The following TYW1B variants were observed in gnomAD, a reference collection of about 807,000 sequenced individuals.
The protein encoded by TYW1B is S-adenosyl-L-methionine-dependent tRNA 4-demethylwyosine synthase TYW1B.
TYW1B carries 73 observed loss-of-function variants against 86.9 expected under a neutral mutation model. The observed-to-expected ratio is 0.84, with a 90% CI of 0.70 to 1.02. TYW1B has a LOEUF of 1.02. Among genes scored for constraint, TYW1B ranks in the 50% least tolerant of loss-of-function variants. The pLI, the probability that TYW1B is intolerant of heterozygous loss-of-function variation, is 0.00. For synonymous variants in TYW1B, 248 were observed against 292.8 expected (o/e 0.85, Z 1.56); for missense variants, 637 against 827.4 (o/e 0.77, Z 2.82).
At chr7:72,815,141 T>C (rs1297509852) in intron 3 of TYW1B, among the ~76,000 whole-genome samples, 4 of 150,796 alleles carry the variant, frequency 2.7e-5, no homozygotes, top group African/African-American at 9.7e-5. Context: ...TTCTCACCTC[T>C]AGTCCTGCCC....
At chr7:72,704,125 G>A (rs561578188) in intron 10 of TYW1B, among the ~76,000 whole-genome samples, 2 of 151,874 alleles carry the variant, frequency 1.3e-5, no homozygotes, top group South Asian at 2.1e-4. Flanking sequence ...TGGGCTTAAC[G>A]TTTTATTATT....
In TYW1B at chr7:72,804,643, G is replaced by C. The variant is rs376850590; in HGVS notation, c.724-2121C>G. 5.1e-4 allele frequency among the ~76,000 whole-genome samples: 77 copies of C among 152,254 alleles called. 1 individual carries two copies. The East Asian group carries it at 0.013, about 25-fold the overall frequency. On this transcript the variant is annotated intron_variant, in intron 5 of 13. Coordinates refer to ENST00000620995, the MANE Select transcript of TYW1B (RefSeq NM_001145440.3). Reference sequence around the variant, plus strand: ...ACTTGAGCTCAGGAGTTTGAGATCAGCCTGGGCAACACAGTGGGACCTCAT... The same window carrying C: ...ACTTGAGCTCAGGAGTTTGAGATCACCCTGGGCAACACAGTGGGACCTCAT...
chr7:72,739,831 G>A lies in TYW1B; in HGVS notation c.1082+4653C>T, dbSNP rs569877207. Among the ~76,000 whole-genome samples the A allele has an allele frequency of 1.4e-4, 20 of 141,018 alleles. No homozygotes were observed. The South Asian group carries it at 1.5e-3, about 11-fold the overall frequency. The allele number at this position is 141,018 out of a possible 152,430, so 92.5% of individuals were successfully genotyped here. A position where few individuals can be genotyped will look rare whatever the true frequency, so the allele number is the denominator to read the frequency against. ...CACTGGACAGGAGACATGCTAAGAA[G>A]CGGCCTAGGAAGAGTCTAAACTTTC... On this transcript the variant is annotated intron_variant, in intron 8 of 13. Coordinates refer to ENST00000620995, the MANE Select transcript of TYW1B (RefSeq NM_001145440.3).
At chr7:72,731,118 A>C (rs1787098312) in intron 8 of TYW1B, among the ~76,000 whole-genome samples, 1 of 142,150 alleles carries the variant, frequency 7.0e-6, no homozygotes, top group African/African-American at 2.6e-5. Context: ...ATATATTCTA[A>C]GGGCTGGAAA....
chr7:72,737,996 G>A (rs1347109593), intron 8 of TYW1B, among the ~76,000 whole-genome samples: 7 of 151,486 alleles, frequency 4.6e-5, no homozygotes, highest in Non-Finnish European at 7.4e-5. Context: ...GGATGGTCTC[G>A]ATCTCCTGAC....
At chr7:72,703,572 A>G (rs1554453115) in intron 10 of TYW1B, among the ~76,000 whole-genome samples, 3 of 151,938 alleles carry the variant, frequency 2.0e-5, no homozygotes, top group Non-Finnish European at 4.4e-5. Context: ...ATTTGTATTC[A>G]GACCAGACGC....
intron 12 of TYW1B, among the ~76,000 whole-genome samples, chr7:72,618,191 AC>A (rs1462097850): frequency 3.4e-5 from 5 of 146,688 alleles, no homozygotes; most frequent in Admixed American, 6.8e-5. Flanking sequence ...ACACACACAC[AC>A]CACAGACAAA....
rs148750193 is a variant in TYW1B, at chr7:72,596,785, A to T, written c.1785+19887T>A. ...AGAGTAGACAAACTGGACCTTATGA[A>T]AAATTTTAAAAGGCATGCATCAAAA... is the stretch of plus-strand genomic sequence containing the variant. On this transcript the variant is annotated intron_variant, in intron 13 of 13. Transcript: ENST00000620995. Among the ~76,000 whole-genome samples, 324 of 152,086 alleles carry T rather than the reference A, an allele frequency of 2.1e-3. 3 individuals are homozygous for T. The highest frequency in any genetic ancestry group is 7.2e-3 in the African/African-American group (298 of 41,368).
At chr7:72,700,337 G>A (rs1814436056) in intron 10 of TYW1B, among the ~76,000 whole-genome samples, 1 of 151,686 alleles carries the variant, frequency 6.6e-6, no homozygotes, top group Admixed American at 6.6e-5. Flanking sequence ...ACCACGCCCA[G>A]CTAATTTTTT....
intron 13 of TYW1B, among the ~76,000 whole-genome samples, chr7:72,580,631 C>T (rs1210076118): frequency 3.3e-5 from 5 of 152,212 alleles, no homozygotes; most frequent in African/African-American, 1.2e-4. Context: ...GCCTTGTTCT[C>T]CTTATGTTCT....
chr7:72,590,069 G>A (rs34964902), intron 13 of TYW1B, among the ~76,000 whole-genome samples: 2 of 147,308 alleles, frequency 1.4e-5, no homozygotes, highest in South Asian at 2.2e-4. Flanking sequence ...TAGAAAGCAC[G>A]AGGAATACTT....
In TYW1B at chr7:72,638,256, TCACAGTTCTC is replaced by T. The variant is rs1250562392; in HGVS notation, c.1507-9269_1507-9260del. Among the ~76,000 whole-genome samples the T allele has an allele frequency of 2.8e-4, 42 of 152,000 alleles. 1 individual carries two copies. In the East Asian group the frequency reaches 7.4e-3, roughly 27 times the overall value. The stretch of plus-strand genomic sequence containing the variant: ...GACCAGCACTGTGCAATAGAGCTTC[TCACAGTTCTC>T]CACTAAAATACTCCCAGGAAAACCA... On this transcript the variant is annotated intron_variant, in intron 11 of 13. Coordinates refer to ENST00000620995, the MANE Select transcript of TYW1B (RefSeq NM_001145440.3).
At chr7:72,819,355 A>C (rs1470571779) in intron 2 of TYW1B, among the ~76,000 whole-genome samples, 1 of 152,194 alleles carries the variant, frequency 6.6e-6, no homozygotes, top group Non-Finnish European at 1.5e-5. Context: ...TGGAGTCAGA[A>C]GAGGGCCGAG....
chr7:72,776,837 C>A (rs768826345), intron 7 of TYW1B, among the ~76,000 whole-genome samples: 6 of 151,588 alleles, frequency 4.0e-5, no homozygotes, highest in Non-Finnish European at 8.8e-5. Context: ...ATATATATTT[C>A]TCTAGTGTAC....
intron 13 of TYW1B, among the ~76,000 whole-genome samples, chr7:72,608,960 ATG>A (rs1811865797): frequency 6.6e-6 from 1 of 152,190 alleles, no homozygotes; most frequent in African/African-American, 2.4e-5. Flanking sequence ...AAACACACAC[ATG>A]TGAGTGCATT....
rs376770521 is a variant in TYW1B, at chr7:72,585,342, T to C, written c.1786-9623A>G. Among the ~76,000 whole-genome samples the C allele has an allele frequency of 1.2e-3, 177 of 152,344 alleles. 2 individuals carry two copies. The highest frequency in any genetic ancestry group is 8.7e-3 in the South Asian group (42 of 4,824). On this transcript the variant is annotated intron_variant, in intron 13 of 13. Transcript: ENST00000620995. ...GAGTTGAAATAAGAAGGAAATCTTATATATGAGCTGAAAAAAGAGTATCCC... is the reference window on the plus strand; with the variant it reads ...GAGTTGAAATAAGAAGGAAATCTTACATATGAGCTGAAAAAAGAGTATCCC...
chr7:72,710,188 T>C (rs1321242101), intron 10 of TYW1B, among the ~76,000 whole-genome samples: 3 of 152,172 alleles, frequency 2.0e-5, no homozygotes, highest in Admixed American at 6.6e-5. Flanking sequence ...TTGCAAAAAA[T>C]TACTATATCC....
chr7:72,700,498 A>G (rs1554452344), intron 10 of TYW1B, among the ~76,000 whole-genome samples: 1 of 152,134 alleles, frequency 6.6e-6, no homozygotes, highest in South Asian at 2.1e-4. Flanking sequence ...TAACAACTAC[A>G]AAGAATGCAC....
At chr7:72,814,214 G>A (rs1554478939) in intron 3 of TYW1B, among the ~76,000 whole-genome samples, 4 of 152,114 alleles carry the variant, frequency 2.6e-5, no homozygotes, top group East Asian at 1.9e-4. Flanking sequence ...GGGCATATCT[G>A]TAATCCTAGT....
Sources: allele counts gnomAD v4.1 joint callset (sites outside exome capture counted in the v4.1 genomes callset), GRCh38; gene constraint gnomAD v4.1.1; transcripts MANE v1.5; gene names NCBI Gene and HGNC (gene_info 2026-07-23, HGNC 2026-07-21).